Variants in WWOX observed in about 807,000 individuals in gnomAD.
WWOX encodes the protein WW domain-containing oxidoreductase.
In WWOX, 69 loss-of-function variants were observed where a neutral mutation model predicts 46.2. That is an observed-to-expected ratio of 1.49 (90% CI 1.23 to 1.82). WWOX has a LOEUF of 1.82. WWOX is among the 40% of genes most tolerant of loss of function. The pLI, the probability that WWOX is intolerant of heterozygous loss-of-function variation, is 0.00. For missense variants in WWOX, 919 were observed against 542.6 expected (o/e 1.69, Z -6.89); for synonymous variants, 359 against 202.6 (o/e 1.77, Z -6.56).
In WWOX at chr16:78,158,618, C is replaced by G. The variant is rs1318097557; in HGVS notation, c.410-5565C>G. On this transcript the variant is annotated intron_variant, in intron 4 of 8. Transcript: ENST00000566780. ...TTTTTCTAGGAATTTGTCTTTTTTA[C>G]CTGTATTGTAAATTCATTGGTATAA... Among the ~76,000 whole-genome samples, 7 of 151,956 alleles carry G rather than the reference C, an allele frequency of 4.6e-5. No individual in the cohort carries two copies. The East Asian group carries it at 1.2e-3, about 25-fold the overall frequency.
At chr16:79,181,133 G>C (rs1056040015) in intron 8 of WWOX, among the ~76,000 whole-genome samples, 1 of 152,212 alleles carries the variant, frequency 6.6e-6, no homozygotes, top group African/African-American at 2.4e-5. Context: ...TGGACCTTCT[G>C]TGACCGTGCA....
chr16:78,756,545 G>C (rs750052207), intron 8 of WWOX, among the ~76,000 whole-genome samples: 1 of 152,128 alleles, frequency 6.6e-6, no homozygotes, highest in Non-Finnish European at 1.5e-5. Context: ...TTGGAAGAAG[G>C]AATTATTTTT....
intron 8 of WWOX, among the ~76,000 whole-genome samples, chr16:78,823,780 TA>T (rs748280277): frequency 4.0e-5 from 4 of 99,222 alleles, no homozygotes; most frequent in Admixed American, 1.2e-4. Flanking sequence ...CTAGACTTGT[TA>T]TTTTTTTTTT....
chr16:78,349,901 C>G (rs2081155756), intron 5 of WWOX, among the ~76,000 whole-genome samples: 1 of 120,582 alleles, frequency 8.3e-6, no homozygotes, highest in Admixed American at 8.1e-5. Context: ...AGAAATAATC[C>G]CTGTTAACAT....
chr16:78,399,197 G>C (rs1030618640), intron 6 of WWOX, among the ~76,000 whole-genome samples: 7 of 152,132 alleles, frequency 4.6e-5, no homozygotes, highest in Non-Finnish European at 8.8e-5. Flanking sequence ...CGGAAGAAGA[G>C]GGAAGAACAA....
chr16:78,907,424 T>C (rs948045929), intron 8 of WWOX, among the ~76,000 whole-genome samples: 1 of 152,242 alleles, frequency 6.6e-6, no homozygotes, highest in African/African-American at 2.4e-5. Flanking sequence ...GTCCACTCTT[T>C]AGCAGAATTC....
At chr16:78,116,631 T>G (rs1321573617) in intron 4 of WWOX, among the ~76,000 whole-genome samples, 1 of 152,198 alleles carries the variant, frequency 6.6e-6, no homozygotes, top group African/African-American at 2.4e-5. Context: ...GGCGTAATAT[T>G]TAAAACAATG....
intron 8 of WWOX, among the ~76,000 whole-genome samples, chr16:78,948,142 C>G (rs748646107): frequency 6.6e-6 from 1 of 152,168 alleles, no homozygotes; most frequent in Non-Finnish European, 1.5e-5. Context: ...CCTTAAGTTG[C>G]TCAGAATGAG....
intron 8 of WWOX, among the ~76,000 whole-genome samples, chr16:78,837,457 A>C (rs1023280631): frequency 1.3e-5 from 2 of 152,238 alleles, no homozygotes; most frequent in Non-Finnish European, 2.9e-5. Context: ...TCAAAAATGG[A>C]CAAATATGGA....
At chr16:78,328,982 C>T (rs1265346020) in intron 5 of WWOX, among the ~76,000 whole-genome samples, 1 of 152,118 alleles carries the variant, frequency 6.6e-6, no homozygotes, top group Non-Finnish European at 1.5e-5. Context: ...CTGCCTCAGC[C>T]TCCCGAGTAC....
chr16:79,168,499 G>T (rs2050637963), intron 8 of WWOX, among the ~76,000 whole-genome samples: 1 of 152,158 alleles, frequency 6.6e-6, no homozygotes. Context: ...ATATCTGGCA[G>T]GCATCCAGTC....
chr16:78,629,221 T>G (rs983371379), intron 8 of WWOX, among the ~76,000 whole-genome samples: 1 of 145,556 alleles, frequency 6.9e-6, no homozygotes, highest in East Asian at 2.1e-4. Flanking sequence ...CAGGAAGACT[T>G]TTTCTCTTGG....
chr16:78,940,443 A>T (rs955285182), intron 8 of WWOX, among the ~76,000 whole-genome samples: 2 of 152,200 alleles, frequency 1.3e-5, no homozygotes, highest in Non-Finnish European at 2.9e-5. Flanking sequence ...TTTAGATACA[A>T]GTCAAAATAT....
intron 8 of WWOX, among the ~76,000 whole-genome samples, chr16:78,530,100 A>G (rs1240092530): frequency 2.0e-5 from 3 of 152,190 alleles, no homozygotes; most frequent in African/African-American, 7.2e-5. Context: ...GAGCAGGTGC[A>G]GGAGCCAGGG....
intron 4 of WWOX, among the ~76,000 whole-genome samples, chr16:78,128,116 A>G (rs1289541548): frequency 6.6e-6 from 1 of 152,220 alleles, no homozygotes; most frequent in Non-Finnish European, 1.5e-5. Flanking sequence ...AGGGAAGATT[A>G]GGGTTGGAAG....
chr16:78,346,296 G>T (rs1244298345), intron 5 of WWOX, among the ~76,000 whole-genome samples: 1 of 120,598 alleles, frequency 8.3e-6, no homozygotes, highest in Middle Eastern at 3.7e-3. Flanking sequence ...TAGACATTTG[G>T]GTTCTTCCCA....
At chr16:78,886,599 A>G (rs1341133230) in intron 8 of WWOX, among the ~76,000 whole-genome samples, 1 of 150,166 alleles carries the variant, frequency 6.7e-6, no homozygotes, top group South Asian at 2.1e-4. Flanking sequence ...GTATTGTCCA[A>G]TTGCTTTCCA....
At chr16:78,256,049 C>A (rs990737019) in intron 5 of WWOX, among the ~76,000 whole-genome samples, 1 of 146,294 alleles carries the variant, frequency 6.8e-6, no homozygotes, top group African/African-American at 2.5e-5. Context: ...GCTCAGGAGG[C>A]TGAGGCAGGA....
chr16:78,942,420 C>G (rs913941945), intron 8 of WWOX, among the ~76,000 whole-genome samples: 8 of 152,108 alleles, frequency 5.3e-5, no homozygotes, highest in Non-Finnish European at 1.2e-4. Flanking sequence ...TGAGGACACA[C>G]TGTAAAAATG....
Sources: gnomAD v4.1 joint callset for allele counts (sites outside exome capture counted in the v4.1 genomes callset) on GRCh38, gnomAD v4.1.1 for gene constraint, MANE v1.5 for transcripts, NCBI Gene and HGNC (gene_info 2026-07-23, HGNC 2026-07-21) for gene names.